WDR38: variants seen among roughly 807,000 people sequenced by gnomAD.
The protein encoded by WDR38 is WD repeat domain 38.
Under a neutral mutation model 36.6 loss-of-function variants are expected in WDR38, and 37 were observed. The observed-to-expected ratio is 1.01, with a 90% CI of 0.78 to 1.33. The LOEUF (loss-of-function observed/expected upper bound fraction) is 1.33, where lower values mean the gene tolerates loss of function less well. Ranked by LOEUF, WDR38 falls within the 40% of genes most tolerant of loss-of-function variation. The pLI, the probability that WDR38 is intolerant of heterozygous loss-of-function variation, is 0.00. For missense variants in WDR38, 411 were observed against 414.6 expected (o/e 0.99, Z 0.07); for synonymous variants, 164 against 168.1 (o/e 0.98, Z 0.19).
Position 124,857,811 on chromosome 9 carries a change from C to G in WDR38, c.*181C>G. On this transcript the variant is annotated 3_prime_UTR_variant, in exon 9 of 9. Transcript: ENST00000373574. Reference sequence around the variant, plus strand: ...GGGCAGGACGCTTGCTGGAACCCATCAGACACCTGGTCCCCAAAACCAGAC... The same window carrying G: ...GGGCAGGACGCTTGCTGGAACCCATGAGACACCTGGTCCCCAAAACCAGAC... 1 of 1,535,210 alleles carries G rather than the reference C, an allele frequency of 6.5e-7. No homozygotes were observed. Among genetic ancestry groups the G allele is most frequent in the Non-Finnish European group, 8.8e-7 (1 of 1,131,932 alleles).
intron 2 of WDR38, among the ~76,000 whole-genome samples, chr9:124,854,596 GAC>G (rs1195048730): frequency 6.6e-6 from 1 of 152,036 alleles, no homozygotes; most frequent in African/African-American, 2.4e-5. Context: ...TTTTGTGTGT[GAC>G]AGAGTCGCTC....
chr9:124,856,497 A>G lies in WDR38; in HGVS notation c.515A>G (p.His172Arg), dbSNP rs2274970. Residue 172 changes from histidine to arginine, a missense_variant, in exon 6 of 9, where the codon CAC becomes CGC. Physicochemically the swap from His to Arg is conservative, Grantham distance 29. Transcript: ENST00000373574. Reference protein sequence around the residue: ...LATGSWDSTVHIWDLRMVTPA... With the variant: ...LATGSWDSTVRIWDLRMVTPA... Reference sequence around the variant, plus strand: ...ACCGGCTCCTGGGACTCCACCGTACACATCTGGGACCTGCGGATGGTGACC... The same window carrying G: ...ACCGGCTCCTGGGACTCCACCGTACGCATCTGGGACCTGCGGATGGTGACC... 1,578,700 of 1,612,514 alleles carry G rather than the reference A, an allele frequency of 0.98. 774,563 individuals carry two copies. Among genetic ancestry groups the G allele is most frequent in the Non-Finnish European group, 1 (1,174,757 of 1,179,476 alleles).
chr9:124,855,865 C>T lies in WDR38; in HGVS notation c.312C>T (p.His104=), dbSNP rs1177428907. The T allele has an allele frequency of 3.7e-6, 6 of 1,614,064 alleles. No individual in the cohort carries two copies. The highest frequency in any genetic ancestry group is 1.3e-5 in the African/African-American group (1 of 74,944). ...RAKCLRVLKG[H]QRSVETVSFS... ...ACCCCGGGCTGGTGCCTGCAGGTCA[C>T]CAACGGAGTGTGGAGACGGTCAGCT... Residue 104 remains histidine (H), a synonymous_variant, in exon 4 of 9, where the codon CAC becomes CAT. Transcript: ENST00000373574.
rs777992043 is a variant in WDR38, at chr9:124,855,684, GC to G, written c.243del (p.Ser82ProfsTer20). Reference sequence around the variant, plus strand: ...CCCTGATGGCCACCTCTTCGCCAGCGCCTCCTGTGACTGCACTGTCCGCCTG... The same window carrying G: ...CCCTGATGGCCACCTCTTCGCCAGCGCTCCTGTGACTGCACTGTCCGCCTG... Reference protein sequence around the residue: ...FSPDGHLFASASCDCTVRLWD... With the variant: ...FSPDGHLFASXSCDCTVRLWD... On this transcript the variant is annotated frameshift_variant, in exon 3 of 9. Transcript: ENST00000373574. LOFTEE classifies it high-confidence loss of function. 6.2e-7 allele frequency: 1 copy of G among 1,613,048 alleles called. No homozygotes were observed. The highest frequency in any genetic ancestry group is 1.3e-5 in the African/African-American group (1 of 75,052).
At position 124,853,524 on chromosome 9, in the gene WDR38, G is replaced by A; in HGVS notation, c.-8G>A. ...GAGCCCGCCGGGGCGGGGCGGGGCC[G>A]GGTGCCCATGAACAGCGGGGTCCCG... On this transcript the variant is annotated 5_prime_UTR_variant, in exon 1 of 9. Transcript: ENST00000373574. 8.0e-7 allele frequency: 1 copy of A among 1,243,720 alleles called. No homozygotes were observed. Among genetic ancestry groups the A allele is most frequent in the South Asian group, 4.1e-5 (1 of 24,332 alleles). 77.0% of individuals were successfully genotyped at this position (1,243,720 alleles called of 1,614,324 possible).
At chr9:124,855,024 C>G (rs1667968221) in intron 2 of WDR38, among the ~76,000 whole-genome samples, 1 of 152,186 alleles carries the variant, frequency 6.6e-6, no homozygotes, top group South Asian at 2.1e-4. Flanking sequence ...CACTGTTTTT[C>G]TTTTTGTCTC....
chr9:124,856,147 A>G (rs138233902), intron 4 of WDR38, 93 bp from the exon 5 acceptor site: 4 of 1,580,970 alleles, frequency 2.5e-6, no homozygotes, highest in Admixed American at 1.7e-5. Context: ...AGCAGCCCTC[A>G]GGCTTTTTGC....
intron 3 of WDR38, 27 bp from the exon 4 acceptor site, chr9:124,855,834 T>C (rs1409039662): frequency 6.2e-7 from 1 of 1,613,836 alleles, no homozygotes; most frequent in Non-Finnish European, 8.5e-7. Flanking sequence ...CTTTCCACCT[T>C]CCCCGACCCC....
chr9:124,854,214 T>C lies in WDR38; in HGVS notation c.79T>C (p.Ser27Pro), dbSNP rs984033493. The change falls in exon 2 of 9, where the codon TCT (serine) becomes CCT (proline). Residue 27 changes from serine to proline, a missense_variant. Coordinates refer to ENST00000373574, the MANE Select transcript of WDR38 (RefSeq NM_001045476.3). The stretch of plus-strand genomic sequence containing the variant: ...TTTGTGCTGTTTCTAGGTCAACTCT[T>C]CTGCCTTCTCCCCTGATGGCCAGAT... ...FGQHGGEVNS[S>P]AFSPDGQMLL... The C allele has an allele frequency of 5.6e-6, 9 of 1,614,026 alleles. No individual in the cohort carries two copies. The highest frequency in any genetic ancestry group is 7.6e-6 in the Non-Finnish European group (9 of 1,180,006).
chr9:124,855,844 C>T lies in WDR38; in HGVS notation c.308-17C>T, dbSNP rs915570389. On this transcript the variant is annotated splice_polypyrimidine_tract_variant and intron_variant, in intron 3 of 8. Coordinates refer to ENST00000373574, the MANE Select transcript of WDR38 (RefSeq NM_001045476.3). ...GTCACCTTTCCACCTTCCCCGACCC[C>T]GGGCTGGTGCCTGCAGGTCACCAAC... The T allele has an allele frequency of 5.6e-6, 9 of 1,613,960 alleles. No homozygotes were observed. The highest frequency in any genetic ancestry group is 2.2e-5 in the East Asian group (1 of 44,896).
chr9:124,856,642 C>G (rs1829078265), intron 6 of WDR38, 42 bp downstream of exon 6: 1 of 1,612,124 alleles, frequency 6.2e-7, no homozygotes, highest in Admixed American at 1.7e-5. Context: ...CCCTTGCTGG[C>G]AGCCAGGCCC....
Position 124,855,758 on chromosome 9 carries a change from A to G in WDR38, c.307+8A>G, listed in dbSNP as rs1246497059. On this transcript the variant is annotated splice_region_variant and intron_variant, in intron 3 of 8. Coordinates refer to ENST00000373574, the MANE Select transcript of WDR38 (RefSeq NM_001045476.3). ...GTCTGCGGGTCCTGAAGGGTGAGTG[A>G]GCTGGGAGCCAAGCAGCCAGGCCAG... The G allele has an allele frequency of 3.1e-6, 5 of 1,613,076 alleles. No individual in the cohort carries two copies. Among genetic ancestry groups the G allele is most frequent in the Non-Finnish European group, 4.2e-6 (5 of 1,180,048 alleles).
chr9:124,855,298 G>C (rs949892316), intron 2 of WDR38, among the ~76,000 whole-genome samples: 1 of 152,172 alleles, frequency 6.6e-6, no homozygotes, highest in Non-Finnish European at 1.5e-5. Context: ...AAAAATATCA[G>C]GCAATTACAG....
chr9:124,856,853 G>A lies in WDR38; in HGVS notation c.740G>A (p.Trp247Ter), dbSNP rs1223629706. ...ATAGCCTTCTCTCCCGACGAGCTGT[G>A]GCTGGCCAGCGCCGGCTATTCCCGC... The part of the protein sequence containing the change: ...KSIAFSPDEL[W>*]LASAGYSRMV... The change falls in exon 7 of 9, where the codon TGG (tryptophan) becomes TAG (stop). Residue 247 changes from tryptophan to a stop codon, truncating the protein, a stop_gained. Transcript: ENST00000373574. LOFTEE classifies it high-confidence loss of function. 2.5e-6 allele frequency: 4 copies of A among 1,614,024 alleles called. No individual in the cohort carries two copies. The highest frequency in any genetic ancestry group is 3.4e-6 in the Non-Finnish European group (4 of 1,180,032).
chr9:124,855,177 G>A (rs1248714054), intron 2 of WDR38, among the ~76,000 whole-genome samples: 3 of 152,148 alleles, frequency 2.0e-5, no homozygotes, highest in African/African-American at 7.2e-5. Context: ...TCTTGGTCAA[G>A]TCCTGTCACC....
intron 5 of WDR38, 37 bp from the exon 6 acceptor site, chr9:124,856,432 G>A (rs757933106): frequency 9.9e-6 from 16 of 1,611,868 alleles, no homozygotes; most frequent in South Asian, 1.1e-5. Context: ...AGTGGGTGGA[G>A]AGCTGGCTGG....
rs1231768573 is a variant in WDR38 at position 124,855,888 on chromosome 9, G to C, written c.335G>C (p.Ser112Thr). The change falls in exon 4 of 9, where the codon AGC (serine) becomes ACC (threonine). Residue 112 changes from serine (S) to threonine (T), a missense_variant. By Grantham distance (58) the Ser-to-Thr change is moderately conservative. Transcript: ENST00000373574. ...KGHQRSVETV[S>T]FSPDSRQLAS... is the part of the protein sequence containing the mutation. ...CACCAACGGAGTGTGGAGACGGTCA[G>C]CTTCAGCCCTGACTCGAGACAGCTG... The C allele has an allele frequency of 1.9e-6, 3 of 1,614,080 alleles. No homozygotes were observed. The highest frequency in any genetic ancestry group is 1.1e-5 in the South Asian group (1 of 91,090).
Position 124,856,857 on chromosome 9 carries a change from G to A in WDR38, c.744G>A (p.Leu248=), listed in dbSNP as rs781402170. Residue 248 remains leucine (L), a synonymous_variant, in exon 7 of 9, where the codon CTG becomes CTA. Transcript: ENST00000373574. ...SIAFSPDELW[L]ASAGYSRMVK... is the part of the protein sequence containing the mutation. ...CCTTCTCTCCCGACGAGCTGTGGCT[G>A]GCCAGCGCCGGCTATTCCCGCATGG... 2.5e-6 allele frequency: 4 copies of A among 1,614,106 alleles called. No individual in the cohort carries two copies. The highest frequency in any genetic ancestry group is 3.4e-6 in the Non-Finnish European group (4 of 1,180,028).
In WDR38 at chr9:124,854,346, C is replaced by T. The variant is rs201775944; in HGVS notation, c.190+21C>T. On this transcript the variant is annotated intron_variant, in intron 2 of 8. Transcript: ENST00000373574. Reference sequence around the variant, plus strand: ...CACAGGTGGGGCTCCCACACCTGGCCGGGAAGACCGAGGCACAAGGGTCTG... The same window carrying T: ...CACAGGTGGGGCTCCCACACCTGGCTGGGAAGACCGAGGCACAAGGGTCTG... 2.9e-4 allele frequency: 471 copies of T among 1,612,228 alleles called. 3 individuals carry two copies. The African/African-American group carries it at 4.4e-3, about 15-fold the overall frequency.
Sources: gnomAD v4.1 joint callset for allele counts (sites outside exome capture counted in the v4.1 genomes callset) on GRCh38, gnomAD v4.1.1 for gene constraint, MANE v1.5 for transcripts, NCBI Gene and HGNC (gene_info 2026-07-23, HGNC 2026-07-21) for gene names.